LPXN: variants seen among roughly 807,000 people sequenced by gnomAD.
LPXN encodes the protein leupaxin.
A neutral mutation model predicts 45.6 loss-of-function variants in LPXN; 28 were observed. That is an observed-to-expected ratio of 0.61 (90% CI 0.45 to 0.84). The LOEUF is 0.84. LPXN is among the 40% of genes least tolerant of loss of function. LPXN has a pLI of 0.00. For synonymous variants in LPXN, 166 were observed against 169.9 expected (o/e 0.98, Z 0.18); for missense variants, 459 against 475.0 (o/e 0.97, Z 0.31).
chr11:58,550,431 A>G (rs1358757696), intron 5 of LPXN, among the ~76,000 whole-genome samples: 1 of 152,216 alleles, frequency 6.6e-6, no homozygotes, highest in Non-Finnish European at 1.5e-5. Flanking sequence ...CAGAAACAAC[A>G]TATAGCACAT....
At chr11:58,533,284 G>A (rs1486696441) in intron 7 of LPXN, among the ~76,000 whole-genome samples, 3 of 152,160 alleles carry the variant, frequency 2.0e-5, no homozygotes, top group Admixed American at 1.3e-4. Context: ...AGAAAGGTTG[G>A]GTAACCCACA....
At chr11:58,577,801 C>G (rs567203460), upstream of LPXN, among the ~76,000 whole-genome samples, 10 of 152,268 alleles carry the variant, frequency 6.6e-5, no homozygotes, top group African/African-American at 2.2e-4. Flanking sequence ...TCGCCTCCCT[C>G]TAGGTCAGGC....
chr11:58,538,731 TATC>T (rs1441662258), intron 7 of LPXN, among the ~76,000 whole-genome samples: 2 of 152,142 alleles, frequency 1.3e-5, no homozygotes, highest in African/African-American at 2.4e-5. Flanking sequence ...TATATCAAAA[TATC>T]ATGTTGTGTA....
chr11:58,565,966 C>A, intron 2 of LPXN, among the ~76,000 whole-genome samples: 1 of 152,156 alleles, frequency 6.6e-6, no homozygotes, highest in Non-Finnish European at 1.5e-5. Flanking sequence ...CCACTGAACT[C>A]CAGCCTGGGC....
chr11:58,567,000 C>CTGTGTG (rs147936650), intron 2 of LPXN, among the ~76,000 whole-genome samples: 3 of 149,346 alleles, frequency 2.0e-5, no homozygotes, highest in South Asian at 4.2e-4. Flanking sequence ...CTTATAAAAT[C>CTGTGTG]TGTGTGTGTG....
intron 7 of LPXN, among the ~76,000 whole-genome samples, chr11:58,531,948 C>T (rs1299338384): frequency 2.0e-5 from 3 of 152,226 alleles, no homozygotes; most frequent in Admixed American, 6.5e-5. Context: ...GAGGTGTGGA[C>T]GGAGAGGCAC....
At chr11:58,570,798 C>T in intron 1 of LPXN, 85 bp from the exon 2 acceptor site, 1 of 944,396 alleles carries the variant, frequency 1.1e-6, no homozygotes, top group Non-Finnish European at 1.5e-6. Context: ...TCACTGTGCC[C>T]ACATTCATCT....
intron 7 of LPXN, among the ~76,000 whole-genome samples, chr11:58,546,413 T>C (rs1032222794): frequency 2.6e-5 from 4 of 152,192 alleles, no homozygotes; most frequent in Non-Finnish European, 5.9e-5. Context: ...TGATCAGAGA[T>C]GTTGGACACC....
chr11:58,573,959 A>G (rs1174401654), intron 1 of LPXN, among the ~76,000 whole-genome samples: 1 of 152,176 alleles, frequency 6.6e-6, no homozygotes, highest in African/African-American at 2.4e-5. Context: ...CTGGGTGTAT[A>G]CAAGCTGCTA....
intron 7 of LPXN, among the ~76,000 whole-genome samples, chr11:58,539,521 C>T (rs1432956611): frequency 6.6e-6 from 1 of 152,098 alleles, no homozygotes; most frequent in Non-Finnish European, 1.5e-5. Context: ...AGGAAGATTA[C>T]TGGGATCATA....
At chr11:58,565,351 G>A (rs1220289502) in intron 2 of LPXN, among the ~76,000 whole-genome samples, 1 of 152,016 alleles carries the variant, frequency 6.6e-6, no homozygotes, top group Non-Finnish European at 1.5e-5. Context: ...GGCTAACATG[G>A]TGAAACCCCA....
At chr11:58,571,655 T>C (rs1854703753) in intron 1 of LPXN, among the ~76,000 whole-genome samples, 1 of 148,392 alleles carries the variant, frequency 6.7e-6, no homozygotes, top group Admixed American at 6.7e-5. Flanking sequence ...ACTCTTTCAG[T>C]TTTTTTTCTT....
intron 7 of LPXN, among the ~76,000 whole-genome samples, chr11:58,542,054 T>G (rs1441406470): frequency 2.5e-4 from 34 of 135,228 alleles, no homozygotes; most frequent in African/African-American, 4.8e-4. Flanking sequence ...GTGGGGGGAG[T>G]GGGGAGGGAT....
rs144001686 is a variant in LPXN, at chr11:58,527,600, G to A, written c.1015C>T (p.Arg339Cys). The A allele has an allele frequency of 1.3e-4, 206 of 1,614,170 alleles. 1 individual carries two copies. In the African/African-American group the frequency reaches 1.9e-3, roughly 15 times the overall value. The change falls in exon 9 of 9, where the codon CGT (arginine) becomes TGT (cysteine). Residue 339 changes from arginine to cysteine, a missense_variant. Coordinates refer to ENST00000395074, the MANE Select transcript of LPXN (RefSeq NM_004811.3). ...CHGCGQPITG[R>C]CISAMGYKFH... is the part of the protein sequence containing the mutation. ...TTGTACCCCATGGCACTGATACAAC[G>A]GCCAGTGATGGGCTGCCCACACCCA...
At chr11:58,577,276 CGATT>C (rs1291102664), upstream of LPXN, among the ~76,000 whole-genome samples, 1 of 152,068 alleles carries the variant, frequency 6.6e-6, no homozygotes, top group Non-Finnish European at 1.5e-5. Flanking sequence ...CTATGCCAAT[CGATT>C]ATTACAACTG....
chr11:58,573,852 G>A (rs921760710), intron 1 of LPXN, among the ~76,000 whole-genome samples: 11 of 152,156 alleles, frequency 7.2e-5, no homozygotes, highest in African/African-American at 2.7e-4. Flanking sequence ...GAGTCTCTGA[G>A]GGTTGCATGG....
intron 7 of LPXN, among the ~76,000 whole-genome samples, chr11:58,538,707 A>C (rs929992676): frequency 1.3e-5 from 2 of 152,150 alleles, no homozygotes; most frequent in African/African-American, 4.8e-5. Flanking sequence ...AACTGTAATA[A>C]ATATTTCACT....
intron 1 of LPXN, among the ~76,000 whole-genome samples, chr11:58,575,369 T>A (rs1854851237): frequency 6.6e-6 from 1 of 152,182 alleles, no homozygotes; most frequent in Admixed American, 6.5e-5. Context: ...CAATTCCCTT[T>A]TTGCTCTTTC....
intron 7 of LPXN, among the ~76,000 whole-genome samples, chr11:58,532,599 C>G (rs1032023421): frequency 1.1e-4 from 17 of 152,192 alleles, no homozygotes; most frequent in Admixed American, 1.1e-3. Flanking sequence ...ACTTTTGTGT[C>G]TAGCTAGAGG....
Sources: gnomAD v4.1 joint callset for allele counts (sites outside exome capture counted in the v4.1 genomes callset) on GRCh38, gnomAD v4.1.1 for gene constraint, MANE v1.5 for transcripts, NCBI Gene and HGNC (gene_info 2026-07-23, HGNC 2026-07-21) for gene names.